Variants in NLGN4X observed in about 807,000 individuals in gnomAD.
The protein encoded by NLGN4X is neuroligin 4 X-linked.
Under a neutral mutation model 40.3 loss-of-function variants are expected in NLGN4X, and 3 were observed. That is an observed-to-expected ratio of 0.07 (90% confidence interval 0.03 to 0.19). The LOEUF (loss-of-function observed/expected upper bound fraction) is 0.19. Among genes scored for constraint, NLGN4X ranks in the 10% least tolerant of loss-of-function variants. The pLI, the probability that NLGN4X is intolerant of heterozygous loss-of-function variation, is 1.00. For synonymous variants in NLGN4X, 270 were observed against 306.8 expected (o/e 0.88, Z 1.25); for missense variants, 382 against 708.3 (o/e 0.54, Z 5.23).
At chrX:6,201,024 C>T (rs1923573827) in intron 1 of NLGN4X, among the ~76,000 whole-genome samples, 1 of 110,653 alleles carries the variant, frequency 9.0e-6, no homozygotes, top group Admixed American at 9.7e-5. Flanking sequence ...TTGCAAACAT[C>T]CCTCGAGGTA....
At chrX:6,036,349 C>T (rs758376676) in intron 2 of NLGN4X, among the ~76,000 whole-genome samples, 1 of 111,531 alleles carries the variant, frequency 9.0e-6, no homozygotes, top group Non-Finnish European at 1.9e-5. Context: ...TATATCAGAG[C>T]CTGACCCAGA....
chrX:6,040,869 G>C (rs2037137986), intron 2 of NLGN4X, among the ~76,000 whole-genome samples: 1 of 111,470 alleles, frequency 9.0e-6, no homozygotes, highest in Admixed American at 9.6e-5. Flanking sequence ...CAATCCAATG[G>C]TTTTTAATAT....
intron 2 of NLGN4X, among the ~76,000 whole-genome samples, chrX:6,074,882 C>A (rs1921946): frequency 0.48 from 52,636 of 109,513 alleles, 9,160 homozygotes; most frequent in Admixed American, 0.52. Context: ...TTCAGTATGC[C>A]GAAGAAAGAA....
At chrX:5,972,391 G>A (rs2035051383) in intron 3 of NLGN4X, among the ~76,000 whole-genome samples, 1 of 111,222 alleles carries the variant, frequency 9.0e-6, no homozygotes, top group Admixed American at 9.5e-5. Context: ...GTTACTCCTT[G>A]CCTTTCCAAA....
At chrX:5,958,756 C>A (rs1028715728) in intron 3 of NLGN4X, among the ~76,000 whole-genome samples, 1 of 111,732 alleles carries the variant, frequency 8.9e-6, no homozygotes, top group African/African-American at 3.2e-5. Flanking sequence ...CAAACACAAG[C>A]AGCATTTCCC....
chrX:6,134,821 T>G (rs984920488), intron 2 of NLGN4X, among the ~76,000 whole-genome samples: 1 of 112,508 alleles, frequency 8.9e-6, no homozygotes. Context: ...AGAAGTCTAC[T>G]GAGCAGAAAG....
chrX:6,068,164 G>T (rs1199957469), intron 2 of NLGN4X, among the ~76,000 whole-genome samples: 3 of 111,642 alleles, frequency 2.7e-5, no homozygotes, highest in Non-Finnish European at 5.6e-5. Context: ...AAAGAGAATT[G>T]ATTTTACCAG....
At chrX:5,932,811 A>T (rs1051479092) in intron 3 of NLGN4X, among the ~76,000 whole-genome samples, 23 of 111,561 alleles carry the variant, frequency 2.1e-4, no homozygotes, top group African/African-American at 7.5e-4. Context: ...AAAAAAATAC[A>T]GAGGAAGAAC....
intron 2 of NLGN4X, among the ~76,000 whole-genome samples, chrX:6,054,034 T>C (rs1437977802): frequency 1.8e-5 from 2 of 112,295 alleles, no homozygotes; most frequent in Middle Eastern, 4.6e-3. Context: ...TAAAAATCAA[T>C]AGCTTTAATG....
At chrX:6,032,736 T>G (rs534400012) in intron 2 of NLGN4X, 14 of 1,183,873 alleles carry the variant, frequency 1.2e-5, no homozygotes, top group South Asian at 1.9e-5. Flanking sequence ...TCTGCGTTTT[T>G]CTTTGTGTTG....
intron 5 of NLGN4X, among the ~76,000 whole-genome samples, chrX:5,899,552 G>C (rs908903578): frequency 3.6e-5 from 4 of 111,660 alleles, no homozygotes; most frequent in Non-Finnish European, 7.5e-5. Flanking sequence ...ATAACAGAGA[G>C]ATCATTGTGG....
chrX:6,197,050 G>A (rs1031159410), intron 1 of NLGN4X, among the ~76,000 whole-genome samples: 2 of 111,806 alleles, frequency 1.8e-5, no homozygotes, highest in African/African-American at 6.5e-5. Flanking sequence ...TCTCAGTGAT[G>A]TGATTCACTC....
At position 6,168,314 on chromosome X, in the gene NLGN4X, C is replaced by T. The variant is rs917803326; in HGVS notation, c.-305-16543G>A. ...CCTCCATGGAAATCTATCAACAAAG[C>T]GAGTGCTATCTTAAGACTAAGTTCT... On this transcript the variant is annotated intron_variant, in intron 1 of 5. Transcript: ENST00000381095. 5.5e-5 allele frequency among the ~76,000 whole-genome samples: 6 copies of T among 109,524 alleles called. No individual in the cohort carries two copies. The East Asian group carries it at 1.1e-3, about 20-fold the overall frequency.
chrX:6,021,472 T>C (rs1179404117), intron 3 of NLGN4X, among the ~76,000 whole-genome samples: 2 of 110,628 alleles, frequency 1.8e-5, no homozygotes, highest in South Asian at 3.9e-4. Flanking sequence ...CCCCTGACCT[T>C]CTTCACATCC....
chrX:6,130,861 T>C lies in NLGN4X; in HGVS notation c.472+20134A>G, dbSNP rs867019137. ...GGAAGGTTCTTTTTATGGTGCATTC[T>C]TTAGAGTATTCATATATGTGGACAT... On this transcript the variant is annotated intron_variant, in intron 2 of 5. Coordinates refer to ENST00000381095, the MANE Select transcript of NLGN4X (RefSeq NM_181332.3). 3.6e-5 allele frequency among the ~76,000 whole-genome samples: 4 copies of C among 112,146 alleles called. No individual in the cohort carries two copies. The South Asian group carries it at 1.5e-3, about 41-fold the overall frequency.
At chrX:6,036,596 AGCTTGTGGCTGGCG>A (rs2037011067) in intron 2 of NLGN4X, among the ~76,000 whole-genome samples, 1 of 87,788 alleles carries the variant, frequency 1.1e-5, no homozygotes, top group Non-Finnish European at 2.2e-5. Flanking sequence ...GAATAAACCC[AGCTTGTGGCTGGCG>A]CACACACACA....
intron 3 of NLGN4X, among the ~76,000 whole-genome samples, chrX:5,990,955 C>A (rs780030115): frequency 8.9e-5 from 10 of 111,996 alleles, no homozygotes; most frequent in African/African-American, 3.3e-4. Flanking sequence ...ACCACGCAAG[C>A]TGTACAATAA....
intron 3 of NLGN4X, among the ~76,000 whole-genome samples, chrX:5,949,882 T>C (rs906306457): frequency 1.8e-5 from 2 of 111,613 alleles, no homozygotes; most frequent in Non-Finnish European, 1.9e-5. Flanking sequence ...ACGACAGATA[T>C]ACACCACCCA....
At chrX:6,134,082 C>G (rs1370873400) in intron 2 of NLGN4X, among the ~76,000 whole-genome samples, 1 of 110,933 alleles carries the variant, frequency 9.0e-6, no homozygotes, top group Non-Finnish European at 1.9e-5. Context: ...GGAGGTCAGA[C>G]CCCCTTTTAG....
Sources: allele counts gnomAD v4.1 joint callset (sites outside exome capture counted in the v4.1 genomes callset), GRCh38; gene constraint gnomAD v4.1.1; transcripts MANE v1.5; gene names NCBI Gene and HGNC (gene_info 2026-07-23, HGNC 2026-07-21).